The following HIBADH variants were observed in gnomAD, a reference collection of about 807,000 sequenced individuals.
HIBADH encodes the protein 3-hydroxyisobutyrate dehydrogenase.
HIBADH carries 25 observed loss-of-function variants against 36.1 expected under a neutral mutation model. The observed-to-expected ratio is 0.69, with a 90% CI of 0.50 to 0.97. The LOEUF (loss-of-function observed/expected upper bound fraction) is 0.97. HIBADH is among the 50% of genes least tolerant of loss of function. The pLI, the probability that HIBADH is intolerant of heterozygous loss-of-function variation, is 0.00. For synonymous variants in HIBADH, 160 were observed against 149.5 expected, an observed-to-expected ratio of 1.07 and a Z score of -0.51; for missense variants, 421 against 418.0, an observed-to-expected ratio of 1.01 and a Z score of -0.06.
chr7:27,590,144 C>A (rs899422225), intron 4 of HIBADH, among the ~76,000 whole-genome samples: 2 of 152,082 alleles, frequency 1.3e-5, no homozygotes, highest in Non-Finnish European at 2.9e-5. Flanking sequence ...GGAATATGCC[C>A]ACTCCAAGAG....
At chr7:27,589,115 T>C (rs1196463363) in intron 4 of HIBADH, among the ~76,000 whole-genome samples, 1 of 152,222 alleles carries the variant, frequency 6.6e-6, no homozygotes, top group Non-Finnish European at 1.5e-5. Flanking sequence ...TATTAGGTAA[T>C]ATAGGTATAT....
chr7:27,621,007 T>C (rs1583602470), intron 4 of HIBADH, among the ~76,000 whole-genome samples: 2 of 149,790 alleles, frequency 1.3e-5, no homozygotes, highest in Admixed American at 6.7e-5. Context: ...TAAGGACACA[T>C]ACACAGCTAA....
intron 2 of HIBADH, among the ~76,000 whole-genome samples, chr7:27,640,099 C>T (rs1323220971): frequency 6.6e-6 from 1 of 152,178 alleles, no homozygotes; most frequent in African/African-American, 2.4e-5. Context: ...CATTTTTGTT[C>T]CTGACTAGCT....
At chr7:27,634,643 G>A (rs921478555) in intron 2 of HIBADH, among the ~76,000 whole-genome samples, 4 of 152,098 alleles carry the variant, frequency 2.6e-5, no homozygotes, top group Admixed American at 6.6e-5. Flanking sequence ...GACCTTTAAG[G>A]GACATCAGTA....
intron 4 of HIBADH, among the ~76,000 whole-genome samples, chr7:27,612,815 A>G (rs889696193): frequency 2.7e-5 from 4 of 149,890 alleles, no homozygotes; most frequent in African/African-American, 9.8e-5. Context: ...GCATGCCTAT[A>G]GTCCTAGATA....
At chr7:27,535,496 T>C (rs1234927125) in intron 6 of HIBADH, among the ~76,000 whole-genome samples, 1 of 152,194 alleles carries the variant, frequency 6.6e-6, no homozygotes, top group Non-Finnish European at 1.5e-5. Flanking sequence ...TGGTTGGCAA[T>C]GCAAGTAACT....
chr7:27,549,523 T>TA (rs1247814207), intron 4 of HIBADH, among the ~76,000 whole-genome samples: 5 of 152,188 alleles, frequency 3.3e-5, no homozygotes. Context: ...GGAAACTCTA[T>TA]TTGAGAGCAA....
chr7:27,661,205 T>C (rs1348248063), intron 1 of HIBADH, among the ~76,000 whole-genome samples: 1 of 152,188 alleles, frequency 6.6e-6, no homozygotes, highest in Non-Finnish European at 1.5e-5. Context: ...ATCTGGTCTC[T>C]TGCATCTCAC....
chr7:27,641,689 G>A (rs985940489), intron 2 of HIBADH, among the ~76,000 whole-genome samples: 3 of 152,156 alleles, frequency 2.0e-5, no homozygotes, highest in African/African-American at 7.2e-5. Context: ...TTTTAAAGTA[G>A]TGCTCTTAGG....
chr7:27,604,305 C>A (rs1785181870), intron 4 of HIBADH, among the ~76,000 whole-genome samples: 1 of 152,068 alleles, frequency 6.6e-6, no homozygotes, highest in African/African-American at 2.4e-5. Context: ...CATATCATTA[C>A]ATGAGATTTG....
intron 4 of HIBADH, among the ~76,000 whole-genome samples, chr7:27,597,065 TA>T (rs76430579): frequency 0.2 from 30,869 of 151,824 alleles, 4,090 homozygotes; most frequent in East Asian, 0.5. Context: ...TTAATTTTAT[TA>T]AAAAATCGGA....
rs1457415323 is a variant in HIBADH, at chr7:27,578,680, C to T, written c.485-35580G>A. On this transcript the variant is annotated intron_variant, in intron 4 of 7. Coordinates refer to ENST00000265395, the MANE Select transcript of HIBADH (RefSeq NM_152740.4). ...GATTATATTTAGAGCGCATATTGGA[C>T]ACTGATTTTTACTAAAAATAAAACC... Among the ~76,000 whole-genome samples, 4 of 152,272 alleles carry T rather than the reference C, an allele frequency of 2.6e-5. No individual in the cohort carries two copies. In the East Asian group the frequency reaches 5.8e-4, roughly 22 times the overall value.
rs1007059194 is a variant in HIBADH, at chr7:27,636,278, T to C, written c.253-3833A>G. 2.0e-5 allele frequency among the ~76,000 whole-genome samples: 3 copies of C among 152,194 alleles called. No homozygotes were observed. In the East Asian group the frequency reaches 5.8e-4, roughly 29 times the overall value. On this transcript the variant is annotated intron_variant, in intron 2 of 7. Transcript: ENST00000265395. ...AAGTAAACCAGATGGGTAACAGAAA[T>C]TTATAAAGAAACAAGAAGAATGTGA...
chr7:27,610,844 T>C (rs1187357288), intron 4 of HIBADH, among the ~76,000 whole-genome samples: 1 of 152,168 alleles, frequency 6.6e-6, no homozygotes, highest in Non-Finnish European at 1.5e-5. Flanking sequence ...GAAATAATTT[T>C]TTGTGGTCCT....
chr7:27,570,753 T>C (rs1194342283), intron 4 of HIBADH, among the ~76,000 whole-genome samples: 1 of 152,176 alleles, frequency 6.6e-6, no homozygotes, highest in Non-Finnish European at 1.5e-5. Context: ...TCTGTATTGT[T>C]CTTTTATAGG....
rs201853551 is a variant in HIBADH, at chr7:27,629,404, C to T, written c.451G>A (p.Gly151Arg). The change falls in exon 4 of 8, where the codon GGA becomes AGA. Residue 151 changes from glycine (G) to arginine (R), a missense_variant. Physicochemically the swap from Gly to Arg is moderately radical, Grantham distance 125 (BLOSUM62 -2). Transcript: ENST00000265395. ...ACAGGGGCATCCATGAAAACTGCTC[C>T]CATTTTCTCAACTTCTTTGGCCAAT... ...KELAKEVEKM[G>R]AVFMDAPVSG... is the part of the protein sequence containing the mutation. The T allele has an allele frequency of 1.9e-6, 3 of 1,611,888 alleles. No individual in the cohort carries two copies. Among genetic ancestry groups the T allele is most frequent in the African/African-American group, 2.7e-5 (2 of 74,950 alleles).
intron 4 of HIBADH, among the ~76,000 whole-genome samples, chr7:27,625,927 C>G (rs960681908): frequency 2.0e-5 from 3 of 151,794 alleles, no homozygotes; most frequent in African/African-American, 7.3e-5. Context: ...CATGGTGAAA[C>G]CCTGTCTCTA....
At chr7:27,585,200 T>C (rs1405087257) in intron 4 of HIBADH, among the ~76,000 whole-genome samples, 1 of 149,824 alleles carries the variant, frequency 6.7e-6, no homozygotes, top group Non-Finnish European at 1.5e-5. Flanking sequence ...CACACATATG[T>C]ATGTATAAAA....
At chr7:27,616,041 G>T (rs182163518) in intron 4 of HIBADH, among the ~76,000 whole-genome samples, 3 of 152,306 alleles carry the variant, frequency 2.0e-5, no homozygotes, top group Non-Finnish European at 4.4e-5. Context: ...AGTTCTGCAA[G>T]CTACACAAGA....
Sources: gnomAD v4.1 joint callset for allele counts (sites outside exome capture counted in the v4.1 genomes callset) on GRCh38, gnomAD v4.1.1 for gene constraint, MANE v1.5 for transcripts, NCBI Gene and HGNC (gene_info 2026-07-23, HGNC 2026-07-21) for gene names.